TRAPPC9: variants seen among roughly 807,000 people sequenced by gnomAD.
TRAPPC9 encodes trafficking protein particle complex subunit 9, also known as IKK2 binding protein.
A neutral mutation model predicts 124.0 loss-of-function variants in TRAPPC9; 83 were observed. The observed-to-expected ratio is 0.67, with a 90% confidence interval of 0.56 to 0.80. The LOEUF (loss-of-function observed/expected upper bound fraction) is 0.80. Ranked by LOEUF, TRAPPC9 falls within the 30% of genes least tolerant of loss-of-function variation. The probability of loss-of-function intolerance (pLI) is 0.00; values close to 1 mark genes in which losing one functional copy is unlikely to be tolerated. For synonymous variants in TRAPPC9, 638 were observed against 617.5 expected (o/e 1.03, Z -0.49); for missense variants, 1,302 against 1,508.3 (o/e 0.86, Z 2.27).
chr8:139,735,682 T>G (rs1054598838), intron 21 of TRAPPC9, among the ~76,000 whole-genome samples: 16 of 151,966 alleles, frequency 1.1e-4, no homozygotes, highest in African/African-American at 1.7e-4. Context: ...TTTTGTTTTG[T>G]TTTTTTGCAG....
chr8:140,389,236 C>T (rs181055655), intron 7 of TRAPPC9, among the ~76,000 whole-genome samples: 156 of 152,192 alleles, frequency 1.0e-3, no homozygotes, highest in Non-Finnish European at 2.0e-3. Context: ...GGACTACAGG[C>T]GTGAGCCACC....
intron 17 of TRAPPC9, among the ~76,000 whole-genome samples, chr8:140,215,642 T>C (rs930551171): frequency 7.4e-6 from 1 of 135,874 alleles, no homozygotes; most frequent in African/African-American, 3.0e-5. Context: ...CAAAACTCCA[T>C]CTCCGAAAAA....
rs899950742 is a variant in TRAPPC9 at position 140,275,745 on chromosome 8, T to G, written c.2191A>C (p.Ser731Arg). 2 of 1,613,964 alleles carry G rather than the reference T, an allele frequency of 1.2e-6. No individual in the cohort carries two copies. The highest frequency in any genetic ancestry group is 1.7e-6 in the Non-Finnish European group (2 of 1,179,792). ...NVSVQLYNGE[S>R]QQLIIKLENI... Reference sequence around the variant, plus strand: ...TCCAATTTAATGATTAGTTGCTGACTTTCTCCATTGTAAAGCTGGACAGAT... The same window carrying G: ...TCCAATTTAATGATTAGTTGCTGACGTTCTCCATTGTAAAGCTGGACAGAT... Residue 731 changes from serine to arginine, a missense_variant, in exon 15 of 23, where the codon AGT (serine) becomes CGT (arginine). By Grantham distance (110) the Ser-to-Arg change is moderately radical (BLOSUM62 -1). Transcript: ENST00000438773.
At chr8:139,781,904 AG>A (rs1821849283) in intron 21 of TRAPPC9, among the ~76,000 whole-genome samples, 1 of 152,222 alleles carries the variant, frequency 6.6e-6, no homozygotes, top group African/African-American at 2.4e-5. Flanking sequence ...CAGTTGGGGA[AG>A]GCAGAAAACA....
At chr8:140,391,127 A>T (rs916005302) in intron 7 of TRAPPC9, among the ~76,000 whole-genome samples, 2 of 152,238 alleles carry the variant, frequency 1.3e-5, no homozygotes, top group Non-Finnish European at 2.9e-5. Context: ...CTATTCTTAC[A>T]TCTGAACAGA....
At chr8:140,078,940 C>T (rs1423175127) in intron 17 of TRAPPC9, among the ~76,000 whole-genome samples, 1 of 152,112 alleles carries the variant, frequency 6.6e-6, no homozygotes, top group Non-Finnish European at 1.5e-5. Flanking sequence ...TTGGCTGTGT[C>T]CCCACCCAAA....
intron 16 of TRAPPC9, among the ~76,000 whole-genome samples, chr8:140,222,906 C>T (rs530125912): frequency 2.8e-4 from 42 of 152,316 alleles, no homozygotes; most frequent in Admixed American, 9.8e-4. Flanking sequence ...ACTTAAGATA[C>T]ATGCAACAGC....
chr8:139,812,539 G>A lies in TRAPPC9; in HGVS notation c.3055+73340C>T, dbSNP rs116717522. On this transcript the variant is annotated intron_variant, in intron 21 of 22. Transcript: ENST00000438773. The stretch of plus-strand genomic sequence containing the variant: ...CTGGCGCTGGGTGATGGGGCAGGCA[G>A]GAGTAAGGACTGCTGGTCTTCGTTA... Among the ~76,000 whole-genome samples the A allele has an allele frequency of 1.4e-3, 207 of 152,330 alleles. 1 individual carries two copies. The highest frequency in any genetic ancestry group is 4.8e-3 in the African/African-American group (199 of 41,574).
chr8:140,324,520 C>T lies in TRAPPC9; in HGVS notation c.1496-13146G>A, dbSNP rs958804616. On this transcript the variant is annotated intron_variant, in intron 9 of 22. Transcript: ENST00000438773. ...GCATCGTGGCTCACATCTGTAATCC[C>T]GGCACTTTGGGAGGCCAAGGCAGGA... Among the ~76,000 whole-genome samples the T allele has an allele frequency of 8.5e-5, 13 of 152,150 alleles. No homozygotes were observed. In the South Asian group the frequency reaches 1.2e-3, roughly 15 times the overall value.
intron 18 of TRAPPC9, among the ~76,000 whole-genome samples, chr8:140,021,609 T>A (rs2131906843): frequency 6.6e-6 from 1 of 152,334 alleles, no homozygotes; most frequent in South Asian, 2.1e-4. Context: ...TGAGCTTATA[T>A]CAGGGTAGTA....
At chr8:140,137,981 A>G (rs2061330755) in intron 17 of TRAPPC9, among the ~76,000 whole-genome samples, 2 of 152,248 alleles carry the variant, frequency 1.3e-5, no homozygotes, top group South Asian at 4.1e-4. Context: ...TGCCAATATT[A>G]CTGTCATCTT....
At chr8:140,364,138 G>A (rs1339425576) in intron 8 of TRAPPC9, among the ~76,000 whole-genome samples, 2 of 151,988 alleles carry the variant, frequency 1.3e-5, no homozygotes, top group East Asian at 1.9e-4. Context: ...AGAGGCATCA[G>A]AAGACCTCAG....
At chr8:140,380,164 G>A (rs924348389) in intron 7 of TRAPPC9, among the ~76,000 whole-genome samples, 2 of 152,150 alleles carry the variant, frequency 1.3e-5, no homozygotes, top group Non-Finnish European at 2.9e-5. Context: ...GAAGTTGGAG[G>A]AGACACACTT....
intron 18 of TRAPPC9, among the ~76,000 whole-genome samples, chr8:139,991,972 A>G (rs1235278856): frequency 6.6e-6 from 1 of 152,136 alleles, no homozygotes; most frequent in Non-Finnish European, 1.5e-5. Flanking sequence ...CCCTACATTC[A>G]TGGCTATTAT....
intron 21 of TRAPPC9, among the ~76,000 whole-genome samples, chr8:139,846,050 C>T (rs138272726): frequency 2.0e-4 from 30 of 152,342 alleles, no homozygotes; most frequent in African/African-American, 3.6e-4. Context: ...AGGTGGGTGC[C>T]GCAAGCTGAG....
chr8:139,996,574 C>T (rs916925379), intron 18 of TRAPPC9, among the ~76,000 whole-genome samples: 14 of 150,734 alleles, frequency 9.3e-5, no homozygotes, highest in African/African-American at 2.4e-4. Flanking sequence ...TATGGGACAA[C>T]GAAACCTCTA....
At chr8:140,054,893 G>A (rs951721151) in intron 17 of TRAPPC9, among the ~76,000 whole-genome samples, 4 of 151,962 alleles carry the variant, frequency 2.6e-5, no homozygotes, top group South Asian at 2.1e-4. Context: ...GTAAGATGAC[G>A]GAATTAGTAA....
intron 9 of TRAPPC9, among the ~76,000 whole-genome samples, chr8:140,349,565 G>C (rs971587027): frequency 6.6e-6 from 1 of 152,144 alleles, no homozygotes; most frequent in Non-Finnish European, 1.5e-5. Flanking sequence ...GCTGCACATC[G>C]TGGTAACTAC....
chr8:140,458,378 T>C (rs144686266), upstream of TRAPPC9: 832 of 1,597,708 alleles, frequency 5.2e-4, 5 homozygotes, highest in African/African-American at 9.7e-3. Flanking sequence ...CGGCACCCCC[T>C]GTGACCCTCA....
Sources: allele counts gnomAD v4.1 joint callset (sites outside exome capture counted in the v4.1 genomes callset), GRCh38; gene constraint gnomAD v4.1.1; transcripts MANE v1.5; gene names NCBI Gene and HGNC (gene_info 2026-07-23, HGNC 2026-07-21).